Variants in MBOAT1 observed in about 807,000 individuals in gnomAD.
MBOAT1 encodes membrane-bound glycerophospholipid O-acyltransferase 1.
Under a neutral mutation model 64.4 loss-of-function variants are expected in MBOAT1, and 67 were observed. The ratio of observed to expected loss-of-function variants is 1.04; its 90% CI spans 0.85 to 1.27. MBOAT1 has a LOEUF of 1.27. MBOAT1 is among the 50% of genes most tolerant of loss of function. The pLI is 0.00. For synonymous variants in MBOAT1, 229 were observed against 218.9 expected (o/e 1.05, Z -0.41); for missense variants, 563 against 604.6 (o/e 0.93, Z 0.72).
chr6:20,115,593 T>C (rs1460269283), intron 9 of MBOAT1, among the ~76,000 whole-genome samples: 3 of 152,200 alleles, frequency 2.0e-5, no homozygotes, highest in Non-Finnish European at 4.4e-5. Context: ...ATTTTCAAAT[T>C]ACAGGAAAAC....
At chr6:20,129,454 T>C (rs1466336681) in intron 5 of MBOAT1, among the ~76,000 whole-genome samples, 2 of 152,046 alleles carry the variant, frequency 1.3e-5, no homozygotes, top group African/African-American at 4.8e-5. Flanking sequence ...TAAAACTGTA[T>C]ATTCAGCTAA....
intron 1 of MBOAT1, among the ~76,000 whole-genome samples, chr6:20,183,553 G>A (rs1441709865): frequency 6.6e-6 from 1 of 152,102 alleles, no homozygotes; most frequent in Non-Finnish European, 1.5e-5. Flanking sequence ...AGCTGTGTAA[G>A]TCAAAGGAAA....
At position 20,116,878 on chromosome 6, in the gene MBOAT1, C is replaced by G. The variant is rs1051691776; in HGVS notation, c.1012-1526G>C. Among the ~76,000 whole-genome samples the G allele has an allele frequency of 3.3e-5, 5 of 152,160 alleles. No individual in the cohort carries two copies. The South Asian group carries it at 6.2e-4, about 19-fold the overall frequency. Reference sequence around the variant, plus strand: ...GCAGCCGAAGGTCAAGGGGACCACCCTAAAGGACGTTTACCCAACAAAACT... The same window carrying G: ...GCAGCCGAAGGTCAAGGGGACCACCGTAAAGGACGTTTACCCAACAAAACT... On this transcript the variant is annotated intron_variant, in intron 9 of 12. Coordinates refer to ENST00000324607, the MANE Select transcript of MBOAT1 (RefSeq NM_001080480.3).
chr6:20,109,852 G>T, intron 11 of MBOAT1, 103 bp from the exon 12 acceptor site: 1 of 1,021,520 alleles, frequency 9.8e-7, no homozygotes, highest in Non-Finnish European at 1.3e-6. Context: ...ATGGGCTACA[G>T]AAGATAACCA....
intron 4 of MBOAT1, among the ~76,000 whole-genome samples, chr6:20,139,622 C>T (rs1348223627): frequency 7.2e-6 from 1 of 138,112 alleles, no homozygotes; most frequent in Non-Finnish European, 1.5e-5. Flanking sequence ...GGCATTATCA[C>T]AGCTCACTGC....
At chr6:20,128,572 C>G (rs1760726092) in intron 6 of MBOAT1, 127 bp downstream of exon 6, 2 of 644,620 alleles carry the variant, frequency 3.1e-6, no homozygotes, top group Admixed American at 7.4e-5. Context: ...CCATCAATAG[C>G]AGATTCATAA....
At chr6:20,103,593 A>C (rs369673271) in intron 12 of MBOAT1, among the ~76,000 whole-genome samples, 1 of 152,092 alleles carries the variant, frequency 6.6e-6, no homozygotes, top group Admixed American at 6.5e-5. Flanking sequence ...ACGCTCGGCC[A>C]ATTTTGTATT....
At chr6:20,137,867 T>C (rs981776703) in intron 4 of MBOAT1, among the ~76,000 whole-genome samples, 6 of 152,228 alleles carry the variant, frequency 3.9e-5, no homozygotes, top group Non-Finnish European at 7.3e-5. Flanking sequence ...AGAGAATGGC[T>C]ATACATCAGG....
chr6:20,157,931 G>C (rs1465811228), intron 1 of MBOAT1, among the ~76,000 whole-genome samples: 1 of 151,974 alleles, frequency 6.6e-6, no homozygotes, highest in South Asian at 2.1e-4. Flanking sequence ...CAAGGCGCGC[G>C]GATCAGCTGA....
At chr6:20,206,065 T>C (rs1763256669) in intron 1 of MBOAT1, among the ~76,000 whole-genome samples, 1 of 152,148 alleles carries the variant, frequency 6.6e-6, no homozygotes, top group Non-Finnish European at 1.5e-5. Context: ...GCTGACCTTC[T>C]TCACAAAGCC....
intron 1 of MBOAT1, among the ~76,000 whole-genome samples, chr6:20,167,161 C>T (rs1316772852): frequency 6.6e-6 from 1 of 152,122 alleles, no homozygotes; most frequent in African/African-American, 2.4e-5. Context: ...ATGGATGTGA[C>T]ATAATTTACT....
chr6:20,130,423 G>A lies in MBOAT1; in HGVS notation c.475+721C>T, dbSNP rs1040624788. Among the ~76,000 whole-genome samples, 5 of 152,058 alleles carry A rather than the reference G, an allele frequency of 3.3e-5. No homozygotes were observed. The East Asian group carries it at 5.8e-4, about 18-fold the overall frequency. ...GGCTGGAGTGCAGTGGCGCGATCTC[G>A]GCTCACTGCAACCTCTGCCTCCCGG... On this transcript the variant is annotated intron_variant, in intron 5 of 12. Transcript: ENST00000324607.
chr6:20,160,357 G>T (rs898142817), intron 1 of MBOAT1, among the ~76,000 whole-genome samples: 3 of 152,090 alleles, frequency 2.0e-5, no homozygotes, highest in Admixed American at 6.5e-5. Flanking sequence ...AAATATTAAC[G>T]GTCCAAAAGT....
intron 5 of MBOAT1, among the ~76,000 whole-genome samples, chr6:20,129,474 G>C (rs1206476459): frequency 6.6e-6 from 1 of 151,978 alleles, no homozygotes; most frequent in Non-Finnish European, 1.5e-5. Context: ...AGGCTGAGTA[G>C]GGTCATCAAC....
intron 1 of MBOAT1, among the ~76,000 whole-genome samples, chr6:20,193,431 C>G (rs900729386): frequency 2.0e-5 from 3 of 151,986 alleles, no homozygotes; most frequent in Admixed American, 2.0e-4. Flanking sequence ...TTTCCAAGGT[C>G]GGAACTTAAT....
chr6:20,194,202 A>G (rs867816033), intron 1 of MBOAT1, among the ~76,000 whole-genome samples: 2 of 152,198 alleles, frequency 1.3e-5, no homozygotes, highest in African/African-American at 2.4e-5. Flanking sequence ...TTAGAATAAC[A>G]CAGAGTTCCC....
chr6:20,122,928 T>C (rs1437662483), intron 8 of MBOAT1, among the ~76,000 whole-genome samples: 2 of 152,066 alleles, frequency 1.3e-5, no homozygotes, highest in Non-Finnish European at 1.5e-5. Flanking sequence ...ACCTCCCCGA[T>C]TCAAGTGATT....
At chr6:20,132,362 A>C (rs73732804) in intron 4 of MBOAT1, among the ~76,000 whole-genome samples, 3,168 of 152,302 alleles carry the variant, frequency 0.021, 124 homozygotes, top group African/African-American at 0.072. Context: ...TAGAAGATAC[A>C]TTTGTAAAAT....
At chr6:20,155,255 G>A (rs1326864773) in intron 1 of MBOAT1, among the ~76,000 whole-genome samples, 1 of 152,154 alleles carries the variant, frequency 6.6e-6, no homozygotes, top group Non-Finnish European at 1.5e-5. Context: ...CATTTCCTAG[G>A]CAGGATCTGG....
Sources: gnomAD v4.1 joint callset for allele counts (sites outside exome capture counted in the v4.1 genomes callset) on GRCh38, gnomAD v4.1.1 for gene constraint, MANE v1.5 for transcripts, NCBI Gene and HGNC (gene_info 2026-07-23, HGNC 2026-07-21) for gene names.